Variants in CMTM4 observed in about 807,000 individuals in gnomAD.
The protein encoded by CMTM4 is CKLF like MARVEL transmembrane domain containing 4, also known as CKLF-like MARVEL transmembrane domain-containing protein 4.
A neutral mutation model predicts 19.0 loss-of-function variants in CMTM4; 8 were observed. That is an observed-to-expected ratio of 0.42 (90% CI 0.25 to 0.76). CMTM4 has a LOEUF of 0.76. CMTM4 is among the 30% of genes least tolerant of loss of function. The pLI, the probability that CMTM4 is intolerant of heterozygous loss-of-function variation, is 0.27. For missense variants in CMTM4, 228 were observed against 290.2 expected, an observed-to-expected ratio of 0.79 and a Z score of 1.56; for synonymous variants, 106 against 121.1, an observed-to-expected ratio of 0.88 and a Z score of 0.82.
At chr16:66,689,741 T>C (rs1461407949) in intron 1 of CMTM4, among the ~76,000 whole-genome samples, 1 of 152,198 alleles carries the variant, frequency 6.6e-6, no homozygotes, top group Non-Finnish European at 1.5e-5. Context: ...TGTACACCTA[T>C]AACATTTACT....
At chr16:66,664,286 C>A (rs1379321174) in intron 1 of CMTM4, among the ~76,000 whole-genome samples, 1 of 151,506 alleles carries the variant, frequency 6.6e-6, no homozygotes, top group Non-Finnish European at 1.5e-5. Flanking sequence ...AACTCATAGC[C>A]AACAAATCTG....
At position 66,696,413 on chromosome 16, in the gene CMTM4, C is replaced by T; in HGVS notation, c.113G>A (p.Arg38His). 9 of 1,406,236 alleles carry T rather than the reference C, an allele frequency of 6.4e-6. No homozygotes were observed. The South Asian group carries it at 1.3e-4, about 20-fold the overall frequency. The allele number at this position is 1,406,236 out of a possible 1,614,324, so 87.1% of individuals were successfully genotyped here. The stretch of plus-strand genomic sequence containing the variant: ...GTCGCAGCGCAGGCCGGCCAGCCCG[C>T]GGCGCTGGCTCACCGGCTCGGTGGT... ...QPTTEPVSQR[R>H]GLAGLRCDPD... is the part of the protein sequence containing the mutation. The change falls in exon 1 of 4, where the codon CGC (arginine) becomes CAC (histidine). Residue 38 changes from arginine to histidine, a missense_variant. By Grantham distance (29) the Arg-to-His change is conservative. Coordinates refer to ENST00000394106, the MANE Select transcript of CMTM4 (RefSeq NM_181521.3). The surrounding 1 kb of genome is among the most constrained non-coding windows in gnomAD (Gnocchi z 4.3).
chr16:66,673,729 G>A (rs746716267), intron 1 of CMTM4, among the ~76,000 whole-genome samples: 11 of 152,348 alleles, frequency 7.2e-5, no homozygotes, highest in African/African-American at 1.4e-4. Flanking sequence ...TTAAAACACA[G>A]TATTTTCCTC....
At chr16:66,642,697 C>T (rs1267401897) in intron 1 of CMTM4, among the ~76,000 whole-genome samples, 3 of 152,116 alleles carry the variant, frequency 2.0e-5, no homozygotes, top group Non-Finnish European at 4.4e-5. Context: ...GCCTGGGTGA[C>T]GAAGGGAGAC....
At chr16:66,637,895 G>A (rs1001562118) in intron 1 of CMTM4, among the ~76,000 whole-genome samples, 1 of 152,174 alleles carries the variant, frequency 6.6e-6, no homozygotes, top group Non-Finnish European at 1.5e-5. Flanking sequence ...AGAGCTTGTG[G>A]GAAATGCAGA....
chr16:66,659,861 C>A (rs1038768732), intron 1 of CMTM4, among the ~76,000 whole-genome samples: 1 of 152,116 alleles, frequency 6.6e-6, no homozygotes, highest in Admixed American at 6.5e-5. Context: ...GGCACTTGTA[C>A]TATTATCTTT....
At chr16:66,613,125 C>G (rs1027804555), downstream of CMTM4, 1 of 702,902 alleles carries the variant, frequency 1.4e-6, no homozygotes, top group Non-Finnish European at 2.6e-6. Context: ...TGACAATGAC[C>G]CTTCCAAGAA....
At chr16:66,630,329 CTCTCCCTCTCCCCACAG>C (rs1567406743) in intron 2 of CMTM4, among the ~76,000 whole-genome samples, 1 of 108,974 alleles carries the variant, frequency 9.2e-6, no homozygotes, top group African/African-American at 3.4e-5. Context: ...TCCCCCCTCC[CTCTCCCTCTCCCCACAG>C]TCTCCCTCTC....
At chr16:66,662,277 C>T (rs190713999) in intron 1 of CMTM4, among the ~76,000 whole-genome samples, 3 of 152,228 alleles carry the variant, frequency 2.0e-5, no homozygotes, top group Non-Finnish European at 2.9e-5. Flanking sequence ...GGTGAAGATG[C>T]CCAGAGTTCA....
the CMTM4 span, among the ~76,000 whole-genome samples, chr16:66,608,986 A>C: frequency 6.6e-6 from 1 of 152,104 alleles, no homozygotes; most frequent in Admixed American, 6.5e-5. This position sits in a 1 kb window ranked among gnomAD's most constrained non-coding sequence, Gnocchi z 5.1. Context: ...CTGCTGCCTC[A>C]GGAGGGCTGC....
At chr16:66,683,416 C>A (rs1029063225) in intron 1 of CMTM4, among the ~76,000 whole-genome samples, 1 of 148,276 alleles carries the variant, frequency 6.7e-6, no homozygotes, top group Admixed American at 6.8e-5. Context: ...CTCAGCCTCC[C>A]GAGCAGCTGG....
At chr16:66,636,783 C>T (rs141769145) in intron 1 of CMTM4, among the ~76,000 whole-genome samples, 1 of 152,260 alleles carries the variant, frequency 6.6e-6, no homozygotes, top group African/African-American at 2.4e-5. Flanking sequence ...ATGGAAGGAT[C>T]AAATTACTAA....
intron 1 of CMTM4, among the ~76,000 whole-genome samples, chr16:66,680,243 C>T (rs1383302000): frequency 6.6e-6 from 1 of 152,148 alleles, no homozygotes; most frequent in East Asian, 1.9e-4. Flanking sequence ...CTTTGGGAGG[C>T]CAAGGCGTAT....
At chr16:66,672,532 T>C (rs2016728460) in intron 1 of CMTM4, among the ~76,000 whole-genome samples, 1 of 151,344 alleles carries the variant, frequency 6.6e-6, no homozygotes, top group East Asian at 1.9e-4. Context: ...CTATGTAATA[T>C]ATAAGTTAGT....
At position 66,618,953 on chromosome 16, in the gene CMTM4, T is replaced by G; in HGVS notation, c.*3105A>C. 1.0e-6 allele frequency: 1 copy of G among 985,500 alleles called. No individual in the cohort carries two copies. Among genetic ancestry groups the G allele is most frequent in the Admixed American group, 6.1e-5 (1 of 16,296 alleles). 61.0% of individuals were successfully genotyped at this position (985,500 alleles called of 1,614,324 possible). ...TGCCCATGCTGGCTTCAGCTCACATTGCCAAGGAAGATGTGTATTGGGGCT... is the reference window on the plus strand; with the variant it reads ...TGCCCATGCTGGCTTCAGCTCACATGGCCAAGGAAGATGTGTATTGGGGCT... On this transcript the variant is annotated 3_prime_UTR_variant, in exon 4 of 4. Transcript: ENST00000394106.
chr16:66,631,444 T>C (rs1367910815), intron 2 of CMTM4, among the ~76,000 whole-genome samples: 1 of 152,152 alleles, frequency 6.6e-6, no homozygotes, highest in Non-Finnish European at 1.5e-5. Context: ...CAACAGCTCA[T>C]TGAGAACGGG....
intron 1 of CMTM4, among the ~76,000 whole-genome samples, chr16:66,677,082 CACAAA>C (rs1283179861): frequency 6.6e-6 from 1 of 152,028 alleles, no homozygotes; most frequent in Non-Finnish European, 1.5e-5. Context: ...CTCTACAAAA[CACAAA>C]ATTAGCCAGG....
intron 2 of CMTM4, among the ~76,000 whole-genome samples, chr16:66,626,830 G>A (rs751134432): frequency 6.6e-6 from 1 of 152,104 alleles, no homozygotes; most frequent in South Asian, 2.1e-4. Context: ...GCCAGGCATG[G>A]TGGCTCCTGC....
intron 1 of CMTM4, among the ~76,000 whole-genome samples, chr16:66,668,694 T>C (rs2016648625): frequency 6.6e-6 from 1 of 152,172 alleles, no homozygotes; most frequent in Non-Finnish European, 1.5e-5. Flanking sequence ...AAATAAGCTT[T>C]TGACTATTAC....
Sources: gnomAD v4.1 joint callset for allele counts (sites outside exome capture counted in the v4.1 genomes callset) on GRCh38, gnomAD v4.1.1 for gene constraint, Gnocchi (gnomAD v3.1) non-coding constraint, MANE v1.5 for transcripts, NCBI Gene and HGNC (gene_info 2026-07-23, HGNC 2026-07-21) for gene names.